Variants in TTC7B observed in about 807,000 individuals in gnomAD.
The protein encoded by TTC7B is tetratricopeptide repeat domain 7B.
A neutral mutation model predicts 106.8 loss-of-function variants in TTC7B; 28 were observed. The observed-to-expected ratio is 0.26, with a 90% confidence interval of 0.19 to 0.36. The LOEUF is 0.36. Among genes scored for constraint, TTC7B ranks in the 10% least tolerant of loss-of-function variants. TTC7B has a pLI of 1.00. For missense variants in TTC7B, 862 were observed against 1,076.4 expected, an observed-to-expected ratio of 0.80 and a Z score of 2.79; for synonymous variants, 405 against 430.6, an observed-to-expected ratio of 0.94 and a Z score of 0.74.
chr14:90,639,720 G>T (rs2139874982), intron 15 of TTC7B, among the ~76,000 whole-genome samples: 1 of 152,312 alleles, frequency 6.6e-6, no homozygotes, highest in Non-Finnish European at 1.5e-5. Flanking sequence ...GCCCTGTAAA[G>T]AAGATTTACA....
chr14:90,732,333 A>T (rs1168401201), intron 4 of TTC7B, among the ~76,000 whole-genome samples: 1 of 152,146 alleles, frequency 6.6e-6, no homozygotes, highest in Non-Finnish European at 1.5e-5. Context: ...GATTTCTACA[A>T]CAGCCTCCTG....
intron 17 of TTC7B, 130 bp downstream of exon 17, chr14:90,610,612 G>T: frequency 1.4e-6 from 1 of 690,434 alleles, no homozygotes; most frequent in Non-Finnish European, 2.6e-6. Context: ...CACCTCGGTT[G>T]AGTGTTTAAA....
intron 17 of TTC7B, among the ~76,000 whole-genome samples, chr14:90,603,769 G>A (rs1274888024): frequency 6.6e-6 from 1 of 152,180 alleles, no homozygotes. Context: ...TAACGGAAAA[G>A]TTGGGACTTA....
chr14:90,675,562 A>T (rs1886799269), intron 9 of TTC7B, among the ~76,000 whole-genome samples: 1 of 152,164 alleles, frequency 6.6e-6, no homozygotes, highest in Admixed American at 6.5e-5. Flanking sequence ...ACTGCCCTGT[A>T]GAGTCACCAA....
chr14:90,710,874 T>A (rs538135666), intron 5 of TTC7B, among the ~76,000 whole-genome samples: 187 of 152,350 alleles, frequency 1.2e-3, no homozygotes, highest in African/African-American at 4.4e-3. Context: ...TCATGTGACT[T>A]GTTTTATTGA....
chr14:90,562,690 A>T (rs1024544123), intron 19 of TTC7B, among the ~76,000 whole-genome samples: 1 of 152,224 alleles, frequency 6.6e-6, no homozygotes, highest in African/African-American at 2.4e-5. Context: ...CTTCAGGATG[A>T]ATCTCTAAAA....
chr14:90,756,384 G>GTTTTTTTTTTTTTTT (rs369068692), intron 3 of TTC7B, among the ~76,000 whole-genome samples: 2 of 126,778 alleles, frequency 1.6e-5, no homozygotes, highest in Non-Finnish European at 3.1e-5. Context: ...TTTTTTTTTT[G>GTTTTTTTTTTTTTTT]TTTTTTTTTT....
chr14:90,567,542 G>C (rs1890850437), intron 19 of TTC7B: 1 of 152,204 alleles, frequency 6.6e-6, no homozygotes, highest in African/African-American at 2.4e-5. Flanking sequence ...CTCTAGGGCA[G>C]CGTTAGCCCT....
At chr14:90,646,078 A>C (rs2139884795) in intron 14 of TTC7B, among the ~76,000 whole-genome samples, 1 of 152,342 alleles carries the variant, frequency 6.6e-6, no homozygotes. Context: ...GGACCTTTAC[A>C]GGGAGGTATC....
chr14:90,628,479 A>C (rs574787178), intron 15 of TTC7B, among the ~76,000 whole-genome samples: 1 of 152,368 alleles, frequency 6.6e-6, no homozygotes, highest in East Asian at 1.9e-4. Context: ...ATTGGGACCC[A>C]GTTCAGCAGA....
chr14:90,737,803 C>T (rs991897166), intron 4 of TTC7B, among the ~76,000 whole-genome samples: 3 of 152,082 alleles, frequency 2.0e-5, no homozygotes, highest in Non-Finnish European at 4.4e-5. Context: ...GTGATCCACC[C>T]ACCTCGGCCT....
chr14:90,778,785 G>A (rs920607801), intron 3 of TTC7B, among the ~76,000 whole-genome samples: 7 of 152,212 alleles, frequency 4.6e-5, no homozygotes, highest in African/African-American at 2.4e-5. Flanking sequence ...GTGCCCTGTC[G>A]AGAGCAAGGG....
At chr14:90,639,544 A>G (rs1288474526) in intron 15 of TTC7B, among the ~76,000 whole-genome samples, 1 of 152,248 alleles carries the variant, frequency 6.6e-6, no homozygotes, top group African/African-American at 2.4e-5. Context: ...AGCACCAAGT[A>G]TTGGTGTATG....
At position 90,558,450 on chromosome 14, in the gene TTC7B, G is replaced by A. The variant is rs150880390; in HGVS notation, c.2311-16861C>T. Among the ~76,000 whole-genome samples, 677 of 152,364 alleles carry A rather than the reference G, an allele frequency of 4.4e-3. 7 individuals are homozygous for A. Among genetic ancestry groups the A allele is most frequent in the African/African-American group, 0.015 (631 of 41,594 alleles). On this transcript the variant is annotated intron_variant, in intron 19 of 19. Transcript: ENST00000328459. Reference sequence around the variant, plus strand: ...GGAGAGGAAGTGTTTTTTCCACACCGCTGTGTGACACAAAGGCCGGATAGT... The same window carrying A: ...GGAGAGGAAGTGTTTTTTCCACACCACTGTGTGACACAAAGGCCGGATAGT...
chr14:90,721,509 G>A (rs1885029), intron 5 of TTC7B, among the ~76,000 whole-genome samples: 14,318 of 151,994 alleles, frequency 0.094, 1,637 homozygotes, highest in African/African-American at 0.28. Context: ...ACATAATTAC[G>A]TCTAGACTTG....
At chr14:90,675,619 C>T (rs755616017) in intron 9 of TTC7B, among the ~76,000 whole-genome samples, 4 of 152,124 alleles carry the variant, frequency 2.6e-5, no homozygotes, top group East Asian at 1.9e-4. Context: ...CATCTGTTTC[C>T]CCAAGGTTCC....
chr14:90,785,713 GC>G (rs1157551624), intron 2 of TTC7B, among the ~76,000 whole-genome samples: 22 of 152,100 alleles, frequency 1.4e-4, no homozygotes, highest in African/African-American at 5.3e-4. Context: ...GAAGTTCCTG[GC>G]CCCCTCCCAA....
At chr14:90,548,853 T>G (rs1595148536) in intron 19 of TTC7B, among the ~76,000 whole-genome samples, 1 of 152,112 alleles carries the variant, frequency 6.6e-6, no homozygotes, top group South Asian at 2.1e-4. Flanking sequence ...ATCGGCTGGG[T>G]GCAGTGGCTC....
chr14:90,751,468 C>T (rs1890132545), intron 3 of TTC7B, among the ~76,000 whole-genome samples: 1 of 152,246 alleles, frequency 6.6e-6, no homozygotes, highest in South Asian at 2.1e-4. Context: ...AATCACAGCT[C>T]ACTGCAGCCT....
Sources: allele counts gnomAD v4.1 joint callset (sites outside exome capture counted in the v4.1 genomes callset), GRCh38; gene constraint gnomAD v4.1.1; transcripts MANE v1.5; gene names NCBI Gene and HGNC (gene_info 2026-07-23, HGNC 2026-07-21).